DST: variants seen among roughly 807,000 people sequenced by gnomAD.
The protein encoded by DST is bullous pemphigoid antigen.
DST carries 253 observed loss-of-function variants against 875.2 expected under a neutral mutation model. That is an observed-to-expected ratio of 0.29 (90% CI 0.26 to 0.32). The LOEUF is 0.32. DST is among the 10% of genes least tolerant of loss of function. The probability of loss-of-function intolerance (pLI) is 1.00; values close to 1 mark genes in which losing one functional copy is unlikely to be tolerated. For missense variants in DST, 8,287 were observed against 9,111.6 expected (o/e 0.91, Z 3.68); for synonymous variants, 3,124 against 3,197.1 (o/e 0.98, Z 0.77).
chr6:56,621,723 C>G (rs941742152), intron 36 of DST, among the ~76,000 whole-genome samples: 1 of 152,068 alleles, frequency 6.6e-6, no homozygotes, highest in African/African-American at 2.4e-5. Context: ...AATTTAATTT[C>G]TCTTTATTAA....
rs756246233 is a variant in DST, at chr6:56,529,985, C to T, written c.17257G>A (p.Ala5753Thr). 4 of 1,613,116 alleles carry T rather than the reference C, an allele frequency of 2.5e-6. No homozygotes were observed. The highest frequency in any genetic ancestry group is 3.4e-6 in the Non-Finnish European group (4 of 1,179,584). ...TQASKLEEQI[A>T]QHKALEDDII... is the part of the protein sequence containing the mutation. ...GATTTATATCTTACTTTGTGCTGTG[C>T]AATTTGTTCCTCAAGTTTAGATGCT... is the stretch of plus-strand genomic sequence containing the variant. Residue 5753 changes from alanine to threonine, a missense_variant, in exon 65 of 104, where the codon GCA becomes ACA. Coordinates refer to ENST00000680361, the MANE Select transcript of DST (RefSeq NM_001374736.1).
chr6:56,612,097 C>T lies in DST; in HGVS notation c.5059-501G>A, dbSNP rs60143048. The stretch of plus-strand genomic sequence containing the variant: ...AGAATAAAGAATTTCTAGCTGAGAG[C>T]AGTGGCTCATGCCTGTAATCCCAGC... On this transcript the variant is annotated intron_variant, in intron 37 of 103. Transcript: ENST00000680361. Among the ~76,000 whole-genome samples the T allele has an allele frequency of 6.1e-3, 930 of 152,314 alleles. 10 individuals carry two copies. Among genetic ancestry groups the T allele is most frequent in the African/African-American group, 0.022 (902 of 41,564 alleles).
chr6:56,477,596 T>A (rs2095251685), intron 90 of DST, 108 bp from the exon 91 acceptor site: 2 of 1,413,958 alleles, frequency 1.4e-6, no homozygotes, highest in Non-Finnish European at 2.0e-6. Flanking sequence ...AAAACTTCAA[T>A]TGGTTTATTC....
chr6:56,782,581 A>G (rs1262832834), intron 4 of DST, among the ~76,000 whole-genome samples: 1 of 151,370 alleles, frequency 6.6e-6, no homozygotes, highest in East Asian at 1.9e-4. Flanking sequence ...CCCCTTTATC[A>G]TTTTTTATTG....
intron 90 of DST, among the ~76,000 whole-genome samples, chr6:56,478,216 T>C (rs2095275713): frequency 6.6e-6 from 1 of 152,178 alleles, no homozygotes. Context: ...GCATTAACTA[T>C]GCCAGGAAAT....
intron 2 of DST, among the ~76,000 whole-genome samples, chr6:56,948,830 C>A (rs573800998): frequency 1.6e-4 from 24 of 152,302 alleles, no homozygotes; most frequent in African/African-American, 5.8e-4. Flanking sequence ...GCCTTAAGCA[C>A]CTAGAAGACA....
intron 15 of DST, among the ~76,000 whole-genome samples, chr6:56,645,176 C>A (rs1200658298): frequency 6.6e-6 from 1 of 152,200 alleles, no homozygotes; most frequent in Non-Finnish European, 1.5e-5. Context: ...ATACACCCTG[C>A]AAGGTCTAGG....
intron 48 of DST, among the ~76,000 whole-genome samples, chr6:56,592,945 T>G (rs957063511): frequency 6.6e-6 from 1 of 152,278 alleles, no homozygotes; most frequent in Admixed American, 6.5e-5. Context: ...CAGTCTTTTA[T>G]TCATTAAGTA....
chr6:56,675,850 CAATA>C (rs1186101513), intron 9 of DST, among the ~76,000 whole-genome samples: 5 of 151,230 alleles, frequency 3.3e-5, no homozygotes, highest in African/African-American at 9.7e-5. Flanking sequence ...TGCTCCATCT[CAATA>C]AATAAATAAA....
chr6:56,625,008 T>C, intron 35 of DST, 149 bp downstream of exon 35: 4 of 673,272 alleles, frequency 5.9e-6, no homozygotes, highest in Non-Finnish European at 7.9e-6. Flanking sequence ...TATTGTGATA[T>C]ACTGCAATGT....
At chr6:56,760,928 T>G (rs1336404782) in intron 4 of DST, among the ~76,000 whole-genome samples, 1 of 152,238 alleles carries the variant, frequency 6.6e-6, no homozygotes, top group Non-Finnish European at 1.5e-5. Flanking sequence ...TGTCCATACA[T>G]GGAAACTTCT....
chr6:56,638,436 T>C (rs1041071394), intron 22 of DST, among the ~76,000 whole-genome samples: 6 of 152,218 alleles, frequency 3.9e-5, no homozygotes, highest in African/African-American at 1.4e-4. Context: ...TTTTGAGTTA[T>C]TATGATTTCA....
At chr6:56,709,561 T>C (rs2099354536) in intron 5 of DST, among the ~76,000 whole-genome samples, 1 of 152,226 alleles carries the variant, frequency 6.6e-6, no homozygotes, top group Non-Finnish European at 1.5e-5. Flanking sequence ...CTAGACAAAT[T>C]TCACAAAAAT....
At chr6:56,918,852 C>T (rs1170821413) in intron 2 of DST, among the ~76,000 whole-genome samples, 1 of 152,166 alleles carries the variant, frequency 6.6e-6, no homozygotes, top group African/African-American at 2.4e-5. Context: ...AGATCGCACA[C>T]TCCTGCACTC....
intron 4 of DST, among the ~76,000 whole-genome samples, chr6:56,812,848 T>C: frequency 6.6e-6 from 1 of 152,124 alleles, no homozygotes; most frequent in Non-Finnish European, 1.5e-5. Context: ...GATCTAGAAC[T>C]AGAAATACCA....
chr6:56,610,120 T>A, intron 39 of DST, among the ~76,000 whole-genome samples: 1 of 152,238 alleles, frequency 6.6e-6, no homozygotes, highest in East Asian at 1.9e-4. Flanking sequence ...TTATAGCCTA[T>A]AATATAATAA....
chr6:56,759,954 C>T (rs1214167588), intron 4 of DST, among the ~76,000 whole-genome samples: 2 of 152,180 alleles, frequency 1.3e-5, no homozygotes, highest in Non-Finnish European at 2.9e-5. Context: ...AGAGTATGCA[C>T]TGCATATGTC....
chr6:56,666,351 T>C lies in DST; in HGVS notation c.1214+4290A>G, dbSNP rs182721657. Among the ~76,000 whole-genome samples the C allele has an allele frequency of 4.2e-3, 633 of 152,332 alleles. 2 individuals are homozygous for C. The highest frequency in any genetic ancestry group is 6.3e-3 in the Non-Finnish European group (431 of 68,020). On this transcript the variant is annotated intron_variant, in intron 10 of 103. Coordinates refer to ENST00000680361, the MANE Select transcript of DST (RefSeq NM_001374736.1). ...GCTCTGTTCCTATTTCAGATCAATA[T>C]TTCTAAATCTTTAGAAGATATGCAC...
intron 4 of DST, among the ~76,000 whole-genome samples, chr6:56,820,804 G>GAA (rs530901575): frequency 6.9e-6 from 1 of 145,906 alleles, no homozygotes; most frequent in Non-Finnish European, 1.5e-5. Flanking sequence ...CTTTTTCACA[G>GAA]AAAAAAAAAA....
Sources: gnomAD v4.1 joint callset for allele counts (sites outside exome capture counted in the v4.1 genomes callset) on GRCh38, gnomAD v4.1.1 for gene constraint, MANE v1.5 for transcripts, NCBI Gene and HGNC (gene_info 2026-07-23, HGNC 2026-07-21) for gene names.